Variants in CAMK1D observed in about 807,000 individuals in gnomAD.
CAMK1D encodes calcium/calmodulin dependent protein kinase ID, also known as calcium/calmodulin-dependent protein kinase type 1D.
A neutral mutation model predicts 47.7 loss-of-function variants in CAMK1D; 9 were observed. That is an observed-to-expected ratio of 0.19 (90% CI 0.11 to 0.33). The LOEUF is 0.33. Among genes scored for constraint, CAMK1D ranks in the 10% least tolerant of loss-of-function variants. CAMK1D has a pLI of 1.00. For missense variants in CAMK1D, 291 were observed against 488.7 expected, an observed-to-expected ratio of 0.60 and a Z score of 3.81; for synonymous variants, 184 against 184.9, an observed-to-expected ratio of 0.99 and a Z score of 0.04.
chr10:12,807,118 G>C (rs913365942), intron 6 of CAMK1D, among the ~76,000 whole-genome samples: 1 of 152,148 alleles, frequency 6.6e-6, no homozygotes, highest in Non-Finnish European at 1.5e-5. Flanking sequence ...CCTGTCCCTG[G>C]CATAAGGCCT....
chr10:12,619,371 G>A (rs1433841444), intron 2 of CAMK1D, among the ~76,000 whole-genome samples: 1 of 151,890 alleles, frequency 6.6e-6, no homozygotes, highest in Non-Finnish European at 1.5e-5. Context: ...GCTTACTACA[G>A]CCTCAGCCTG....
At chr10:12,804,234 TAAGTC>T (rs1471246832) in intron 6 of CAMK1D, among the ~76,000 whole-genome samples, 2 of 152,240 alleles carry the variant, frequency 1.3e-5, no homozygotes, top group East Asian at 1.9e-4. Flanking sequence ...TACAACTTCT[TAAGTC>T]AGTACACACA....
chr10:12,390,933 G>A (rs1411461055), intron 1 of CAMK1D, among the ~76,000 whole-genome samples: 1 of 152,030 alleles, frequency 6.6e-6, no homozygotes, highest in East Asian at 1.9e-4. Context: ...CTGACTTTAT[G>A]AATCAACTTG....
chr10:12,410,074 A>T (rs764220721), intron 1 of CAMK1D, among the ~76,000 whole-genome samples: 1 of 152,232 alleles, frequency 6.6e-6, no homozygotes, highest in Non-Finnish European at 1.5e-5. Context: ...CATTGTATGG[A>T]TATCACACAT....
At chr10:12,505,129 C>G (rs1834831096) in intron 1 of CAMK1D, among the ~76,000 whole-genome samples, 1 of 152,170 alleles carries the variant, frequency 6.6e-6, no homozygotes, top group Non-Finnish European at 1.5e-5. Flanking sequence ...GCATTGTTAA[C>G]CCCATCCTAT....
At chr10:12,462,241 C>G (rs11813010) in intron 1 of CAMK1D, among the ~76,000 whole-genome samples, 2,881 of 145,796 alleles carry the variant, frequency 0.02, 64 homozygotes, top group South Asian at 0.085. Context: ...TCTTGGCTCA[C>G]TGCAACCTTC....
chr10:12,699,100 T>C (rs942478577), intron 3 of CAMK1D, among the ~76,000 whole-genome samples: 3 of 152,118 alleles, frequency 2.0e-5, no homozygotes, highest in Non-Finnish European at 4.4e-5. Flanking sequence ...ATGAGAGGAA[T>C]GAGCAGGAGC....
At position 12,746,505 on chromosome 10, in the gene CAMK1D, C is replaced by T. The variant is rs187711680; in HGVS notation, c.300-14443C>T. ...TGTGAATTTTCTGTGCCATTCATTT[C>T]CATCCACATTACAGGAAAATGTTTT... On this transcript the variant is annotated intron_variant, in intron 3 of 10. Transcript: ENST00000619168. Among the ~76,000 whole-genome samples, 37 of 152,230 alleles carry T rather than the reference C, an allele frequency of 2.4e-4. No individual in the cohort carries two copies. In the East Asian group the frequency reaches 6.8e-3, roughly 28 times the overall value.
At position 12,714,226 on chromosome 10, in the gene CAMK1D, C is replaced by T. The variant is rs918431133; in HGVS notation, c.300-46722C>T. On this transcript the variant is annotated intron_variant, in intron 3 of 10. Coordinates refer to ENST00000619168, the MANE Select transcript of CAMK1D (RefSeq NM_153498.4). ...CGACCCCACCGTCACCCCCCACCCCCGTAGGCATAGACATATTATATCTTT... is the reference window on the plus strand; with the variant it reads ...CGACCCCACCGTCACCCCCCACCCCTGTAGGCATAGACATATTATATCTTT... Among the ~76,000 whole-genome samples, 27 of 152,094 alleles carry T rather than the reference C, an allele frequency of 1.8e-4. 1 individual carries two copies. The highest frequency in any genetic ancestry group is 1.6e-3 in the Admixed American group (25 of 15,262).
chr10:12,364,172 C>G (rs1837764825), intron 1 of CAMK1D, among the ~76,000 whole-genome samples: 1 of 150,262 alleles, frequency 6.7e-6, no homozygotes. Flanking sequence ...TTAAATGACT[C>G]AGGTGAAGAG....
At chr10:12,767,004 A>G (rs1199004310) in intron 4 of CAMK1D, among the ~76,000 whole-genome samples, 1 of 152,102 alleles carries the variant, frequency 6.6e-6, no homozygotes. Flanking sequence ...GAGCTCTGAA[A>G]TCCAGAGCCC....
chr10:12,474,545 T>C (rs1277026178), intron 1 of CAMK1D, among the ~76,000 whole-genome samples: 2 of 151,900 alleles, frequency 1.3e-5, no homozygotes, highest in African/African-American at 2.4e-5. Flanking sequence ...TTGCATAACA[T>C]AAACTTTACC....
intron 6 of CAMK1D, among the ~76,000 whole-genome samples, chr10:12,807,651 C>T (rs943167616): frequency 3.3e-5 from 5 of 152,194 alleles, no homozygotes; most frequent in Non-Finnish European, 7.4e-5. Context: ...ACCCCGGCTA[C>T]CTGCTCCTTG....
intron 1 of CAMK1D, among the ~76,000 whole-genome samples, chr10:12,440,387 A>T (rs901789077): frequency 6.6e-6 from 1 of 151,022 alleles, no homozygotes; most frequent in Non-Finnish European, 1.5e-5. Context: ...CGGAGGCAGG[A>T]GGCAATTCTT....
intron 1 of CAMK1D, among the ~76,000 whole-genome samples, chr10:12,496,816 C>T (rs780009502): frequency 4.6e-5 from 7 of 152,088 alleles, no homozygotes; most frequent in Non-Finnish European, 7.3e-5. Context: ...TGGTTTGCTG[C>T]ACCTGTCAAA....
intron 3 of CAMK1D, among the ~76,000 whole-genome samples, chr10:12,699,129 G>A (rs560779732): frequency 6.6e-6 from 1 of 152,228 alleles, no homozygotes; most frequent in African/African-American, 2.4e-5. Flanking sequence ...GGTGGCGAAG[G>A]ACTCTCTGGT....
At chr10:12,402,551 TA>T (rs1012350888) in intron 1 of CAMK1D, among the ~76,000 whole-genome samples, 1 of 152,210 alleles carries the variant, frequency 6.6e-6, no homozygotes, top group Non-Finnish European at 1.5e-5. Flanking sequence ...GTGAGGAAAT[TA>T]AACAGAAACA....
chr10:12,362,368 C>T (rs2724801), intron 1 of CAMK1D, among the ~76,000 whole-genome samples: 100,140 of 152,142 alleles, frequency 0.66, 34,167 homozygotes, highest in African/African-American at 0.85. Context: ...TGGTATCTGC[C>T]GGGGGCTGGT....
intron 6 of CAMK1D, among the ~76,000 whole-genome samples, chr10:12,795,371 T>C (rs1838153544): frequency 6.6e-6 from 1 of 152,092 alleles, no homozygotes; most frequent in African/African-American, 2.4e-5. Flanking sequence ...TCAGACTCTT[T>C]CTCCTTCCTG....
Sources: allele counts gnomAD v4.1 joint callset (sites outside exome capture counted in the v4.1 genomes callset), GRCh38; gene constraint gnomAD v4.1.1; transcripts MANE v1.5; gene names NCBI Gene and HGNC (gene_info 2026-07-23, HGNC 2026-07-21).